MIER3: variants seen among roughly 807,000 people sequenced by gnomAD.
MIER3 encodes mesoderm induction early response protein 3.
MIER3 carries 9 observed loss-of-function variants against 63.2 expected under a neutral mutation model. That is an observed-to-expected ratio of 0.14 (90% CI 0.09 to 0.25). The LOEUF is 0.25. Ranked by LOEUF, MIER3 falls within the 10% of genes least tolerant of loss-of-function variation. The pLI is 1.00. For synonymous variants in MIER3, 205 were observed against 224.9 expected, an observed-to-expected ratio of 0.91 and a Z score of 0.79; for missense variants, 512 against 666.2, an observed-to-expected ratio of 0.77 and a Z score of 2.55.
chr5:56,932,062 G>A (rs904346525), intron 8 of MIER3, among the ~76,000 whole-genome samples: 3 of 152,150 alleles, frequency 2.0e-5, no homozygotes, highest in African/African-American at 7.2e-5. Context: ...GGAGGCTGAG[G>A]CAGACATATC....
In MIER3 at chr5:56,933,317, G is replaced by A; in HGVS notation, c.677C>T (p.Ser226Leu). Residue 226 changes from serine to leucine, a missense_variant, in exon 8 of 13, where the codon TCA becomes TTA. Transcript: ENST00000381199. Reference protein sequence around the residue: ...SKVKEYLVETSLRTGSEKIMD... With the variant: ...SKVKEYLVETLLRTGSEKIMD... ...TATTTTTTCACTGCCAGTCCTTAAT[G>A]AAGTCTCAACAAGGTATTCCTTAAC... The A allele has an allele frequency of 6.2e-7, 1 of 1,613,372 alleles. No homozygotes were observed. The highest frequency in any genetic ancestry group is 8.5e-7 in the Non-Finnish European group (1 of 1,179,716).
chr5:56,933,512 T>C, intron 7 of MIER3, 114 bp from the exon 8 acceptor site: 1 of 945,666 alleles, frequency 1.1e-6, no homozygotes, highest in South Asian at 2.0e-5. Flanking sequence ...TAAATAACTT[T>C]GAAGACACCA....
chr5:56,925,517 C>A, intron 10 of MIER3: 1 of 228,982 alleles, frequency 4.4e-6, no homozygotes, highest in Non-Finnish European at 8.9e-6. Flanking sequence ...ATTAGCACCC[C>A]AAAATTAAAA....
chr5:56,948,212 A>T (rs1009627809), intron 2 of MIER3, among the ~76,000 whole-genome samples: 1 of 152,220 alleles, frequency 6.6e-6, no homozygotes, highest in Non-Finnish European at 1.5e-5. Context: ...CACATAATTC[A>T]TTATTTTTGA....
chr5:56,935,334 T>A, intron 7 of MIER3, 94 bp downstream of exon 7: 2 of 930,070 alleles, frequency 2.2e-6, no homozygotes, highest in Non-Finnish European at 3.2e-6. Context: ...TATCTATCTA[T>A]TGCCAAGGCT....
At chr5:56,937,828 G>C (rs1276471582) in intron 4 of MIER3, 130 bp from the exon 5 acceptor site, 2 of 486,994 alleles carry the variant, frequency 4.1e-6, no homozygotes, top group African/African-American at 2.0e-5. Context: ...ATTCTCCTAT[G>C]ATTTACTTCA....
chr5:56,943,302 G>T (rs1263951918), intron 3 of MIER3, among the ~76,000 whole-genome samples: 2 of 151,342 alleles, frequency 1.3e-5, no homozygotes, highest in Non-Finnish European at 2.9e-5. Context: ...CCAAATGTGG[G>T]ATCTGCATTA....
intron 2 of MIER3, among the ~76,000 whole-genome samples, chr5:56,947,871 G>A (rs1448489660): frequency 6.6e-6 from 1 of 152,034 alleles, no homozygotes; most frequent in Non-Finnish European, 1.5e-5. Context: ...GAAGTCAATA[G>A]GAAACTCCAA....
intron 10 of MIER3, chr5:56,928,237 T>G (rs1750094469): frequency 6.6e-6 from 1 of 152,250 alleles, no homozygotes; most frequent in African/African-American, 2.4e-5. Context: ...ATTATTTAAT[T>G]ATACGGTAAG....
intron 4 of MIER3, chr5:56,938,437 G>A (rs1011438682): frequency 3.2e-5 from 15 of 464,958 alleles, no homozygotes; most frequent in Middle Eastern, 6.0e-4. Flanking sequence ...ACCAGCCTAC[G>A]TTAGAGATGG....
intron 2 of MIER3, among the ~76,000 whole-genome samples, chr5:56,947,996 G>A (rs912310972): frequency 9.9e-5 from 15 of 152,122 alleles, no homozygotes; most frequent in Admixed American, 3.3e-4. Flanking sequence ...AATTAGACCC[G>A]TAACCCTCAG....
At chr5:56,931,630 C>T (rs183920176) in intron 8 of MIER3, among the ~76,000 whole-genome samples, 159 of 152,184 alleles carry the variant, frequency 1.0e-3, no homozygotes, top group African/African-American at 3.7e-3. Flanking sequence ...GTAATAAAGA[C>T]AGTAGAACCA....
intron 3 of MIER3, among the ~76,000 whole-genome samples, chr5:56,939,798 G>GT (rs1226276413): frequency 6.6e-6 from 1 of 152,160 alleles, no homozygotes; most frequent in Non-Finnish European, 1.5e-5. Context: ...CATGCACAAC[G>GT]TAACATTCAG....
intron 7 of MIER3, among the ~76,000 whole-genome samples, chr5:56,934,131 A>C (rs1719541529): frequency 6.6e-6 from 1 of 152,208 alleles, no homozygotes; most frequent in Admixed American, 6.5e-5. Context: ...CCAGTGCTTC[A>C]AGTGCAATCT....
At chr5:56,941,710 A>G (rs983377033) in intron 3 of MIER3, 6 of 152,236 alleles carry the variant, frequency 3.9e-5, no homozygotes, top group Non-Finnish European at 7.3e-5. Flanking sequence ...AGACTCATAA[A>G]AAGGGAGTAC....
intron 2 of MIER3, among the ~76,000 whole-genome samples, chr5:56,947,698 G>T (rs1013309505): frequency 1.3e-5 from 2 of 152,200 alleles, no homozygotes; most frequent in Non-Finnish European, 2.9e-5. Context: ...GCATTAAACT[G>T]TAAGACTTTG....
chr5:56,946,574 T>C (rs918212309), intron 3 of MIER3, among the ~76,000 whole-genome samples: 7 of 152,160 alleles, frequency 4.6e-5, no homozygotes, highest in African/African-American at 7.2e-5. Flanking sequence ...ACAGTACTTA[T>C]ACAAATTCAA....
intron 3 of MIER3, among the ~76,000 whole-genome samples, chr5:56,945,623 G>A (rs960082043): frequency 6.6e-6 from 1 of 152,064 alleles, no homozygotes; most frequent in Non-Finnish European, 1.5e-5. Context: ...GTGCTACTAC[G>A]AGAAAATTGC....
rs184507506 is a variant in MIER3, at chr5:56,948,576, G to A, written c.35-1505C>T. Among the ~76,000 whole-genome samples, 6 of 152,212 alleles carry A rather than the reference G, an allele frequency of 3.9e-5. No individual in the cohort carries two copies. The East Asian group carries it at 9.7e-4, about 24-fold the overall frequency. ...ACCAGCTACGTGGGAGGCTGAGGCA[G>A]GAGAATCGCTTGAACCTGGGAGGTC... On this transcript the variant is annotated intron_variant, in intron 2 of 12. Transcript: ENST00000381199.
Sources: gnomAD v4.1 joint callset for allele counts (sites outside exome capture counted in the v4.1 genomes callset) on GRCh38, gnomAD v4.1.1 for gene constraint, MANE v1.5 for transcripts, NCBI Gene and HGNC (gene_info 2026-07-23, HGNC 2026-07-21) for gene names.